The following HIVEP1 variants were observed in gnomAD, a reference collection of about 807,000 sequenced individuals.
HIVEP1 encodes the protein zinc finger protein 40.
Under a neutral mutation model 180.0 loss-of-function variants are expected in HIVEP1, and 36 were observed. The ratio of observed to expected loss-of-function variants is 0.20; its 90% CI spans 0.15 to 0.26. The LOEUF (loss-of-function observed/expected upper bound fraction) is 0.26, where lower values mean the gene tolerates loss of function less well. Ranked by LOEUF, HIVEP1 falls within the 10% of genes least tolerant of loss-of-function variation. The pLI is 1.00. For synonymous variants in HIVEP1, 1,239 were observed against 1,239.0 expected (o/e 1.00, Z 0.00); for missense variants, 3,143 against 3,268.7 (o/e 0.96, Z 0.94).
intron 2 of HIVEP1, among the ~76,000 whole-genome samples, chr6:12,050,590 A>AT (rs1452365206): frequency 1.3e-5 from 2 of 151,754 alleles, no homozygotes; most frequent in African/African-American, 4.9e-5. Context: ...CGTCTCAAAA[A>AT]AAAAAAAATA....
At chr6:12,051,001 C>CATATGTATATATATATAT (rs1554135634) in intron 2 of HIVEP1, among the ~76,000 whole-genome samples, 2 of 77,600 alleles carry the variant, frequency 2.6e-5, no homozygotes, top group African/African-American at 8.7e-5. Flanking sequence ...TACACAAGTG[C>CATATGTATATATATATAT]ATATATATAT....
In HIVEP1 at chr6:12,122,006, A is replaced by G; in HGVS notation, c.2211A>G (p.Pro737=). ...TGCTTTTACCAGGTCAGATGCGCCC[A>G]CCTTTGGCCACAAAAACACTTGAGG... ...KALLLPGQMR[P]PLATKTLEER... is the part of the protein sequence containing the mutation. Residue 737 remains proline, a synonymous_variant, in exon 4 of 9, where the codon CCA becomes CCG. Coordinates refer to ENST00000379388, the MANE Select transcript of HIVEP1 (RefSeq NM_002114.4). 1.2e-6 allele frequency: 2 copies of G among 1,614,002 alleles called. No homozygotes were observed. The highest frequency in any genetic ancestry group is 1.1e-5 in the South Asian group (1 of 91,070).
chr6:12,179,682 C>G, the HIVEP1 span, among the ~76,000 whole-genome samples: 2 of 152,144 alleles, frequency 1.3e-5, no homozygotes, highest in East Asian at 3.9e-4. Flanking sequence ...AGGTGAGTAT[C>G]ACTTACAAGT....
downstream of HIVEP1, among the ~76,000 whole-genome samples, chr6:12,167,674 A>C (rs925063232): frequency 4.7e-4 from 11 of 23,212 alleles, no homozygotes; most frequent in African/African-American, 2.1e-3. Context: ...ACATATATAC[A>C]TATATGTGTA....
rs572814590 is a variant in HIVEP1 at position 12,017,572 on chromosome 6, G to A, written c.40+1904G>A. Among the ~76,000 whole-genome samples the A allele has an allele frequency of 1.1e-3, 161 of 152,120 alleles. 1 individual carries two copies. The highest frequency in any genetic ancestry group is 3.6e-3 in the African/African-American group (150 of 41,388). ...TCCGGCAGCCTGCTTTTATTCTCCC[G>A]TCTGGCCCCACCCACATCCTGCTGA... On this transcript the variant is annotated intron_variant, in intron 2 of 8. Transcript: ENST00000379388.
At chr6:12,148,328 G>C (rs571560456) in intron 7 of HIVEP1, among the ~76,000 whole-genome samples, 1 of 152,190 alleles carries the variant, frequency 6.6e-6, no homozygotes, top group Non-Finnish European at 1.5e-5. Context: ...CCTCATCATA[G>C]GGGATACCTG....
chr6:12,054,922 T>G (rs1379663213), intron 2 of HIVEP1, among the ~76,000 whole-genome samples: 1 of 152,224 alleles, frequency 6.6e-6, no homozygotes, highest in Non-Finnish European at 1.5e-5. Context: ...AAAGTTACCT[T>G]TGTTAGCTTC....
chr6:12,111,622 A>T (rs1774896506), intron 3 of HIVEP1, among the ~76,000 whole-genome samples: 1 of 152,222 alleles, frequency 6.6e-6, no homozygotes, highest in Non-Finnish European at 1.5e-5. Context: ...TTTGGACGGG[A>T]GCTCTCTTTC....
At chr6:12,109,495 GT>G (rs1774746101) in intron 3 of HIVEP1, among the ~76,000 whole-genome samples, 1 of 152,156 alleles carries the variant, frequency 6.6e-6, no homozygotes, top group Admixed American at 6.5e-5. Flanking sequence ...TTTCAGCAGC[GT>G]TTACAGCATC....
the HIVEP1 span, among the ~76,000 whole-genome samples, chr6:12,185,148 G>A: frequency 1.3e-5 from 2 of 152,208 alleles, no homozygotes; most frequent in Admixed American, 6.5e-5. Context: ...ACCACAAAGG[G>A]CTGTTGTCCA....
intron 2 of HIVEP1, among the ~76,000 whole-genome samples, chr6:12,017,913 T>C (rs529061074): frequency 5.9e-5 from 9 of 152,328 alleles, no homozygotes; most frequent in African/African-American, 1.9e-4. Context: ...TGCCTGCGCC[T>C]TGTGCCTGCA....
At chr6:12,040,410 A>ATCTTTAATGTCTTT (rs1769600526) in intron 2 of HIVEP1, among the ~76,000 whole-genome samples, 2 of 152,248 alleles carry the variant, frequency 1.3e-5, no homozygotes, top group Non-Finnish European at 2.9e-5. Flanking sequence ...TGTCTTTAAT[A>ATCTTTAATGTCTTT]AAGATACAGG....
chr6:12,098,384 T>C (rs1321973068), intron 3 of HIVEP1, among the ~76,000 whole-genome samples: 1 of 152,076 alleles, frequency 6.6e-6, no homozygotes, highest in Non-Finnish European at 1.5e-5. Flanking sequence ...GGAAGAGTGG[T>C]ATGGGGAGAA....
intron 3 of HIVEP1, among the ~76,000 whole-genome samples, chr6:12,098,860 G>A (rs1773926885): frequency 6.6e-6 from 1 of 152,152 alleles, no homozygotes; most frequent in Admixed American, 6.5e-5. Flanking sequence ...TGTGCAAAGG[G>A]TATTTTGTGG....
chr6:12,131,406 C>T (rs1758409136), intron 6 of HIVEP1, among the ~76,000 whole-genome samples: 1 of 149,430 alleles, frequency 6.7e-6, no homozygotes, highest in African/African-American at 2.4e-5. Context: ...TTTAGGAATA[C>T]ATAGCCATTT....
chr6:12,130,757 T>C lies in HIVEP1; in HGVS notation c.6210-10T>C, dbSNP rs763525049. 1 of 1,523,420 alleles carries C rather than the reference T, an allele frequency of 6.6e-7. No homozygotes were observed. The highest frequency in any genetic ancestry group is 9.0e-7 in the Non-Finnish European group (1 of 1,113,856). 94.4% of individuals were successfully genotyped at this position (1,523,420 alleles called of 1,614,324 possible). ...CCAATCTCCCTATTCATTTTTTTTC[T>C]TTAAATTAGATATAAGTCAAATGAA... On this transcript the variant is annotated splice_polypyrimidine_tract_variant and intron_variant, in intron 5 of 8. Transcript: ENST00000379388.
intron 7 of HIVEP1, among the ~76,000 whole-genome samples, chr6:12,152,997 AAAAG>A (rs1265958895): frequency 2.0e-5 from 3 of 152,246 alleles, no homozygotes; most frequent in Non-Finnish European, 2.9e-5. Flanking sequence ...CATATGCTAA[AAAAG>A]AAATCAGCAT....
the HIVEP1 span, among the ~76,000 whole-genome samples, chr6:12,188,836 T>G: frequency 6.6e-6 from 1 of 151,890 alleles, no homozygotes; most frequent in Non-Finnish European, 1.5e-5. Flanking sequence ...GCTTTTGGAA[T>G]TAAGTGAACT....
intron 2 of HIVEP1, among the ~76,000 whole-genome samples, chr6:12,087,078 A>G (rs1773166319): frequency 6.6e-6 from 1 of 152,170 alleles, no homozygotes; most frequent in African/African-American, 2.4e-5. Context: ...TATAGGTAGA[A>G]GCATTTGAGG....
Sources: allele counts gnomAD v4.1 joint callset (sites outside exome capture counted in the v4.1 genomes callset), GRCh38; gene constraint gnomAD v4.1.1; transcripts MANE v1.5; gene names NCBI Gene and HGNC (gene_info 2026-07-23, HGNC 2026-07-21).